Variants in ATP8A2 observed in about 807,000 individuals in gnomAD.
ATP8A2 encodes phospholipid-transporting ATPase IB.
In ATP8A2, 100 loss-of-function variants were observed where a neutral mutation model predicts 165.6. The ratio of observed to expected loss-of-function variants is 0.60; its 90% confidence interval spans 0.51 to 0.71. ATP8A2 has a LOEUF of 0.71. Ranked by LOEUF, ATP8A2 falls within the 30% of genes least tolerant of loss-of-function variation. ATP8A2 has a pLI of 0.00. For synonymous variants in ATP8A2, 543 were observed against 548.8 expected (o/e 0.99, Z 0.15); for missense variants, 1,227 against 1,479.5 (o/e 0.83, Z 2.80).
intron 33 of ATP8A2, among the ~76,000 whole-genome samples, chr13:25,948,487 C>T (rs889130008): frequency 2.6e-5 from 4 of 152,128 alleles, no homozygotes; most frequent in African/African-American, 7.2e-5. Context: ...AGTTAAGTAA[C>T]GAGTCAATGG....
intron 27 of ATP8A2, among the ~76,000 whole-genome samples, chr13:25,782,721 A>T (rs749852601): frequency 4.3e-4 from 66 of 152,218 alleles, no homozygotes; most frequent in Admixed American, 1.3e-4. Flanking sequence ...TAGTTGTTAC[A>T]CTGCATCAGT....
chr13:25,414,221 C>T (rs1023130818), intron 1 of ATP8A2, among the ~76,000 whole-genome samples: 3 of 143,998 alleles, frequency 2.1e-5, no homozygotes, highest in African/African-American at 5.1e-5. Flanking sequence ...GTCAGAGTCT[C>T]GCTCTGTCGC....
chr13:25,961,764 T>C, intron 34 of ATP8A2, 101 bp downstream of exon 34: 1 of 920,620 alleles, frequency 1.1e-6, no homozygotes, highest in Non-Finnish European at 1.7e-6. Context: ...TGACAGGAAT[T>C]CGGAAGAAAT....
chr13:25,733,017 T>G (rs2043686696), intron 25 of ATP8A2, among the ~76,000 whole-genome samples: 1 of 152,180 alleles, frequency 6.6e-6, no homozygotes, highest in African/African-American at 2.4e-5. Flanking sequence ...GAAAACTGAA[T>G]GGGTAGTATC....
chr13:25,749,509 G>C (rs986312876), intron 25 of ATP8A2, among the ~76,000 whole-genome samples: 15 of 152,120 alleles, frequency 9.9e-5, no homozygotes, highest in Admixed American at 6.5e-4. Context: ...TGAGGAGGGG[G>C]TGTAGGCAGC....
rs183047284 is a variant in ATP8A2 at position 25,736,456 on chromosome 13, T to C, written c.2385-32590T>C. ...GAGGTTGAAATGATTATTTGTAAAC[T>C]GTTGACTGTCAGACGTTTCAGAGGG... On this transcript the variant is annotated intron_variant, in intron 25 of 36. Coordinates refer to ENST00000381655, the MANE Select transcript of ATP8A2 (RefSeq NM_016529.6). Among the ~76,000 whole-genome samples, 395 of 152,318 alleles carry C rather than the reference T, an allele frequency of 2.6e-3. 1 individual carries two copies. The highest frequency in any genetic ancestry group is 3.4e-3 in the Middle Eastern group (1 of 294).
chr13:25,513,443 G>A (rs924640617), intron 2 of ATP8A2, among the ~76,000 whole-genome samples: 5 of 148,538 alleles, frequency 3.4e-5, no homozygotes, highest in African/African-American at 9.8e-5. Flanking sequence ...ATGTGATGGC[G>A]GCCGGGAAGA....
In ATP8A2 at chr13:25,932,966, C is replaced by T. The variant is rs1011045863; in HGVS notation, c.3184-28609C>T. 3.2e-4 allele frequency among the ~76,000 whole-genome samples: 48 copies of T among 152,304 alleles called. 1 individual carries two copies. Among genetic ancestry groups the T allele is most frequent in the Admixed American group, 3.1e-3 (48 of 15,310 alleles). On this transcript the variant is annotated intron_variant, in intron 33 of 36. Coordinates refer to ENST00000381655, the MANE Select transcript of ATP8A2 (RefSeq NM_016529.6). ...GGTTCAAGTGATTCTCCCACCTCAG[C>T]CTCCCCAGTAGCTGGGAGTACAGGT...
chr13:25,921,899 T>C (rs902336139), intron 33 of ATP8A2, among the ~76,000 whole-genome samples: 1 of 152,210 alleles, frequency 6.6e-6, no homozygotes, highest in Non-Finnish European at 1.5e-5. Context: ...CGTATTGAGG[T>C]AGTGAATCTT....
chr13:25,504,741 C>T (rs1438682169), intron 2 of ATP8A2, among the ~76,000 whole-genome samples: 2 of 104,674 alleles, frequency 1.9e-5, no homozygotes, highest in Non-Finnish European at 3.8e-5. Flanking sequence ...AGCGAGACTC[C>T]GTCTCAAAAA....
chr13:25,387,430 C>T (rs891479597), intron 1 of ATP8A2, among the ~76,000 whole-genome samples: 1 of 151,976 alleles, frequency 6.6e-6, no homozygotes, highest in East Asian at 1.9e-4. Flanking sequence ...CTAACTATTT[C>T]GGGTGTTGGG....
intron 28 of ATP8A2, among the ~76,000 whole-genome samples, chr13:25,829,680 A>ATGTGG (rs1283046797): frequency 3.5e-5 from 1 of 28,898 alleles, no homozygotes; most frequent in Non-Finnish European, 6.9e-5. Context: ...ATATATATAT[A>ATGTGG]TATATATATA....
chr13:25,685,384 G>A (rs968762482), intron 24 of ATP8A2, among the ~76,000 whole-genome samples: 9 of 152,102 alleles, frequency 5.9e-5, no homozygotes, highest in African/African-American at 1.7e-4. Flanking sequence ...CTGTGCCCTC[G>A]GCCCTGAATA....
At chr13:25,690,001 G>T (rs1654735911) in intron 24 of ATP8A2, among the ~76,000 whole-genome samples, 1 of 152,114 alleles carries the variant, frequency 6.6e-6, no homozygotes, top group Admixed American at 6.5e-5. Flanking sequence ...TCAAGAATCT[G>T]TTTGTTTAGC....
At chr13:25,391,725 T>C (rs754363533) in intron 1 of ATP8A2, among the ~76,000 whole-genome samples, 19 of 152,200 alleles carry the variant, frequency 1.2e-4, no homozygotes, top group African/African-American at 4.1e-4. Context: ...GAAAGAAACT[T>C]ACATGTATGG....
chr13:25,800,857 G>C (rs985921744), intron 27 of ATP8A2, among the ~76,000 whole-genome samples: 1 of 152,082 alleles, frequency 6.6e-6, no homozygotes, highest in African/African-American at 2.4e-5. Flanking sequence ...AGCCAAAAAG[G>C]GCTTATGATC....
At chr13:25,443,755 AAC>A (rs2034995090) in intron 1 of ATP8A2, among the ~76,000 whole-genome samples, 1 of 152,170 alleles carries the variant, frequency 6.6e-6, no homozygotes, top group Non-Finnish European at 1.5e-5. Flanking sequence ...TCCTCCCTAA[AAC>A]ATAGGCTACA....
chr13:25,417,544 A>T (rs575030550), intron 1 of ATP8A2, among the ~76,000 whole-genome samples: 76 of 88,696 alleles, frequency 8.6e-4, no homozygotes, highest in Non-Finnish European at 1.2e-3. Context: ...AGCCTCTTTA[A>T]CACTCCAAAT....
At chr13:25,865,141 G>C (rs1283116999) in intron 33 of ATP8A2, among the ~76,000 whole-genome samples, 5 of 152,162 alleles carry the variant, frequency 3.3e-5, no homozygotes, top group Non-Finnish European at 7.3e-5. Flanking sequence ...ACTGGGTTCA[G>C]GTGTAGTCAG....
Sources: allele counts gnomAD v4.1 joint callset (sites outside exome capture counted in the v4.1 genomes callset), GRCh38; gene constraint gnomAD v4.1.1; transcripts MANE v1.5; gene names NCBI Gene and HGNC (gene_info 2026-07-23, HGNC 2026-07-21).